HERC1: variants seen among roughly 807,000 people sequenced by gnomAD.
HERC1 encodes the protein probable E3 ubiquitin-protein ligase HERC1.
HERC1 carries 160 observed loss-of-function variants against 554.3 expected under a neutral mutation model. That is an observed-to-expected ratio of 0.29 (90% CI 0.25 to 0.33). The LOEUF is 0.33. HERC1 is among the 10% of genes least tolerant of loss of function. The pLI is 1.00. For synonymous variants in HERC1, 2,175 were observed against 2,131.7 expected (o/e 1.02, Z -0.56); for missense variants, 4,919 against 5,918.5 (o/e 0.83, Z 5.54).
At chr15:63,690,044 G>A (rs1049105947) in intron 32 of HERC1, among the ~76,000 whole-genome samples, 6 of 151,566 alleles carry the variant, frequency 4.0e-5, no homozygotes, top group Non-Finnish European at 7.4e-5. Flanking sequence ...TGTGCCTATA[G>A]TCCCAGCTAC....
At chr15:63,688,650 G>C (rs2071923362) in intron 33 of HERC1, among the ~76,000 whole-genome samples, 1 of 152,148 alleles carries the variant, frequency 6.6e-6, no homozygotes. Context: ...ACCTATAAAG[G>C]AGAATGAGAA....
chr15:63,739,713 C>A (rs2074711584), intron 12 of HERC1, among the ~76,000 whole-genome samples: 1 of 152,000 alleles, frequency 6.6e-6, no homozygotes, highest in South Asian at 2.1e-4. Flanking sequence ...GTGGTGTGCG[C>A]CTGCAGTCCC....
At chr15:63,665,867 G>T in intron 42 of HERC1, 52 bp downstream of exon 42, 1 of 1,317,264 alleles carries the variant, frequency 7.6e-7, no homozygotes, top group Non-Finnish European at 1.1e-6. Context: ...TAATAAATGG[G>T]GCTTTGAAAT....
chr15:63,630,640 A>T lies in HERC1; in HGVS notation c.12797-5T>A, dbSNP rs754753359. ...CTGGCAAGCCTATCAGGCGATCTGA[A>T]AAAAACAAAACAAAAACATGTGGAA... is the stretch of plus-strand genomic sequence containing the variant. On this transcript the variant is annotated splice_region_variant and splice_polypyrimidine_tract_variant and intron_variant, in intron 68 of 77. Coordinates refer to ENST00000443617, the MANE Select transcript of HERC1 (RefSeq NM_003922.4). The T allele has an allele frequency of 1.2e-6, 2 of 1,607,102 alleles. No individual in the cohort carries two copies. The highest frequency in any genetic ancestry group is 4.5e-5 in the East Asian group (2 of 44,874).
At chr15:63,735,982 G>A (rs1260862836) in intron 12 of HERC1, among the ~76,000 whole-genome samples, 1 of 152,094 alleles carries the variant, frequency 6.6e-6, no homozygotes, top group Non-Finnish European at 1.5e-5. Context: ...AGAACTAAAT[G>A]CACATATTCT....
chr15:63,746,424 A>G (rs2075057507), intron 12 of HERC1, among the ~76,000 whole-genome samples: 1 of 152,190 alleles, frequency 6.6e-6, no homozygotes, highest in Admixed American at 6.5e-5. Flanking sequence ...GTATTATAAT[A>G]CTAAATATGT....
At chr15:63,714,550 T>G (rs1345469870) in intron 22 of HERC1, among the ~76,000 whole-genome samples, 2 of 144,422 alleles carry the variant, frequency 1.4e-5, no homozygotes, top group Admixed American at 1.4e-4. Flanking sequence ...TTTCTGTTTT[T>G]TTTTTTTTTT....
At chr15:63,662,224 A>G (rs2070393232) in intron 44 of HERC1, among the ~76,000 whole-genome samples, 1 of 152,160 alleles carries the variant, frequency 6.6e-6, no homozygotes, top group African/African-American at 2.4e-5. Context: ...TCTCACTCTA[A>G]TAAGTTATAT....
At chr15:63,630,811 A>T in intron 68 of HERC1, 176 bp from the exon 69 acceptor site, 1 of 526,716 alleles carries the variant, frequency 1.9e-6, no homozygotes, top group Non-Finnish European at 3.2e-6. Flanking sequence ...ATAAATAAAA[A>T]GTGTGAAGCT....
Position 63,615,929 on chromosome 15 carries a change from A to G in HERC1, c.13942-9T>C, listed in dbSNP as rs1483387661. On this transcript the variant is annotated splice_polypyrimidine_tract_variant and intron_variant, in intron 75 of 77. Transcript: ENST00000443617. The stretch of plus-strand genomic sequence containing the variant: ...GAATCAAGAGGAATCATCTAGGAAC[A>G]GAAGAAAACAGAATTTTTATTACAT... 1.3e-6 allele frequency: 2 copies of G among 1,568,472 alleles called. No homozygotes were observed. Among genetic ancestry groups the G allele is most frequent in the Non-Finnish European group, 1.7e-6 (2 of 1,161,608 alleles).
Position 63,716,348 on chromosome 15 carries a change from T to C in HERC1, c.4104A>G (p.Pro1368=), listed in dbSNP as rs199804379. 1 of 1,613,916 alleles carries C rather than the reference T, an allele frequency of 6.2e-7. No homozygotes were observed. Among genetic ancestry groups the C allele is most frequent in the East Asian group, 2.2e-5 (1 of 44,876 alleles). Residue 1368 remains proline, a synonymous_variant, in exon 22 of 78, where the codon CCA becomes CCG. Coordinates refer to ENST00000443617, the MANE Select transcript of HERC1 (RefSeq NM_003922.4). ...ERDREEGHPE[P]EDEEEEREHE... ...GTTCCCGTTCCTCCTCTTCATCCTCTGGCTCCGGATGCCCCTCTTCCCGGT... is the reference window on the plus strand; with the variant it reads ...GTTCCCGTTCCTCCTCTTCATCCTCCGGCTCCGGATGCCCCTCTTCCCGGT...
chr15:63,811,682 G>T (rs2077316564), intron 1 of HERC1, among the ~76,000 whole-genome samples: 1 of 151,882 alleles, frequency 6.6e-6, no homozygotes, highest in Non-Finnish European at 1.5e-5. Flanking sequence ...GGTGGCAGGT[G>T]CCTGTAGTCC....
chr15:63,644,647 A>G (rs1209451156), intron 57 of HERC1, among the ~76,000 whole-genome samples: 2 of 152,198 alleles, frequency 1.3e-5, no homozygotes, highest in African/African-American at 4.8e-5. Flanking sequence ...CATAGCAAGG[A>G]TTCTGGCATC....
rs770215637 is a variant in HERC1, at chr15:63,758,280, A to G, written c.1116T>C (p.Cys372=). The G allele has an allele frequency of 1.2e-6, 2 of 1,613,016 alleles. No individual in the cohort carries two copies. Among genetic ancestry groups the G allele is most frequent in the African/African-American group, 1.3e-5 (1 of 75,008 alleles). ...TATTGCTCCCCCAAACATAAACCTC[A>G]CAGGTTTCGGAGACAATGGGAGCAT... ...TGDAPIVSET[C]EVYVWGSNSS... is the part of the protein sequence containing the mutation. Residue 372 remains cysteine, a synonymous_variant, in exon 4 of 78, where the codon TGT becomes TGC. Transcript: ENST00000443617. This position sits in a 1 kb window ranked among gnomAD's most constrained non-coding sequence, Gnocchi z 4.0.
intron 53 of HERC1, 133 bp from the exon 54 acceptor site, chr15:63,650,058 A>AGAC: frequency 1.6e-6 from 1 of 638,794 alleles, no homozygotes; most frequent in South Asian, 2.0e-5. Context: ...CTAATGAATA[A>AGAC]GACCATGAAG....
intron 23 of HERC1, 76 bp from the exon 24 acceptor site, chr15:63,712,971 C>T (rs1205401311): frequency 7.2e-7 from 1 of 1,386,428 alleles, no homozygotes; most frequent in African/African-American, 1.4e-5. Flanking sequence ...GGAATTGGAG[C>T]ACAGAGATAA....
chr15:63,760,883 T>A (rs1166337249), intron 3 of HERC1, among the ~76,000 whole-genome samples: 1 of 152,130 alleles, frequency 6.6e-6, no homozygotes. Context: ...TATTCTATAG[T>A]AAAATTACTG....
chr15:63,649,301 C>T (rs1445742635), intron 54 of HERC1, among the ~76,000 whole-genome samples: 2 of 152,058 alleles, frequency 1.3e-5, no homozygotes, highest in Admixed American at 6.5e-5. Context: ...TGCAGTGAGC[C>T]GAGATCGCGC....
At chr15:63,716,588 C>T in intron 21 of HERC1, 115 bp from the exon 22 acceptor site, 3 of 832,332 alleles carry the variant, frequency 3.6e-6, no homozygotes, top group Non-Finnish European at 5.3e-6. Flanking sequence ...AGTAATAACA[C>T]ATGAACTTTA....
Sources: allele counts gnomAD v4.1 joint callset (sites outside exome capture counted in the v4.1 genomes callset), GRCh38; gene constraint gnomAD v4.1.1; non-coding constraint Gnocchi (gnomAD v3.1); transcripts MANE v1.5; gene names NCBI Gene and HGNC (gene_info 2026-07-23, HGNC 2026-07-21).